EIF1AX: variants seen among roughly 807,000 people sequenced by gnomAD.
EIF1AX encodes eukaryotic translation initiation factor 1A X-linked, also known as eukaryotic translation initiation factor 1A, X-chromosomal.
A neutral mutation model predicts 16.1 loss-of-function variants in EIF1AX; 1 was observed. That is an observed-to-expected ratio of 0.06 (90% CI 0.02 to 0.30). The LOEUF is 0.30. EIF1AX is among the 10% of genes least tolerant of loss of function. The pLI is 1.00. For missense variants in EIF1AX, 11 were observed against 109.1 expected, an observed-to-expected ratio of 0.10 and a Z score of 4.00; for synonymous variants, 32 against 37.3, an observed-to-expected ratio of 0.86 and a Z score of 0.51.
At position 20,134,418 on chromosome X, in the gene EIF1AX, GA is replaced by G. The variant is rs539054825; in HGVS notation, c.205-412del. Among the ~76,000 whole-genome samples the G allele has an allele frequency of 5.7e-3, 559 of 98,825 alleles. 3 individuals carry two copies. The highest frequency in any genetic ancestry group is 0.013 in the African/African-American group (354 of 27,236). The allele number at this position is 98,825 out of a possible 115,157, so 85.8% of individuals were successfully genotyped here. ...AACAAATAAATAAACTTCTTTAAAA[GA>G]AAAAAAAAAAGAAAAGAAATTAAGA... On this transcript the variant is annotated intron_variant, in intron 3 of 6. Transcript: ENST00000379607.
chrX:20,138,194 G>A (rs945380022), intron 2 of EIF1AX, among the ~76,000 whole-genome samples: 9 of 108,001 alleles, frequency 8.3e-5, no homozygotes, highest in Middle Eastern at 4.7e-3. Flanking sequence ...TAGTAGAGAC[G>A]GGGTTTCATC....
At chrX:20,133,493 T>C (rs1228424725) in intron 4 of EIF1AX, among the ~76,000 whole-genome samples, 1 of 108,161 alleles carries the variant, frequency 9.2e-6, no homozygotes, top group African/African-American at 3.5e-5. Flanking sequence ...AAGTGAAGAT[T>C]TAAATTATTT....
chrX:20,125,641 A>G lies in EIF1AX; in HGVS notation c.*2665T>C, dbSNP rs1445545724. 1.2e-5 allele frequency: 2 copies of G among 164,678 alleles called. No individual in the cohort carries two copies. The highest frequency in any genetic ancestry group is 6.0e-5 in the African/African-American group (2 of 33,482). 13.6% of individuals were successfully genotyped at this position (164,678 alleles called of 1,213,427 possible). ...GTATAAATCTAGCTATTTTACTCAA[A>G]ACATGCTTTTACCTATTTGATTACT... On this transcript the variant is annotated 3_prime_UTR_variant, in exon 7 of 7. Transcript: ENST00000379607.
At chrX:20,128,430 A>C (rs2066991703) in intron 6 of EIF1AX, 119 bp from the exon 7 acceptor site, 8 of 537,464 alleles carry the variant, frequency 1.5e-5, no homozygotes, top group African/African-American at 2.4e-5. Flanking sequence ...ATCCAGTTTG[A>C]AGAAGAAATT....
At position 20,126,153 on chromosome X, in the gene EIF1AX, C is replaced by CT. The variant is rs1373935422; in HGVS notation, c.*2152dup. 1 of 133,655 alleles carries CT rather than the reference C, an allele frequency of 7.5e-6. No homozygotes were observed. Among genetic ancestry groups the CT allele is most frequent in the African/African-American group, 3.2e-5 (1 of 30,808 alleles). The allele number at this position is 133,655 out of a possible 1,213,427, so 11.0% of individuals were successfully genotyped here. A position where few individuals can be genotyped will look rare whatever the true frequency, so the allele number is the denominator to read the frequency against. On this transcript the variant is annotated 3_prime_UTR_variant, in exon 7 of 7. Coordinates refer to ENST00000379607, the MANE Select transcript of EIF1AX (RefSeq NM_001412.4). ...CAAACATTTTATTTTCTGTGCATAGCTTATAGCACTGTATTATAGGAATCA... is the reference window on the plus strand; with the variant it reads ...CAAACATTTTATTTTCTGTGCATAGCTTTATAGCACTGTATTATAGGAATCA...
At chrX:20,134,937 T>C (rs1313048072) in intron 3 of EIF1AX, among the ~76,000 whole-genome samples, 2 of 111,592 alleles carry the variant, frequency 1.8e-5, no homozygotes, top group Non-Finnish European at 1.9e-5. Flanking sequence ...ATTCAAGAGA[T>C]GCAACATTAA....
chrX:20,130,907 G>C (rs1175317240), intron 5 of EIF1AX, among the ~76,000 whole-genome samples: 1 of 111,337 alleles, frequency 9.0e-6, no homozygotes, highest in Non-Finnish European at 1.9e-5. Flanking sequence ...AAGAATAGCT[G>C]GTTCACTAAT....
intron 1 of EIF1AX, among the ~76,000 whole-genome samples, chrX:20,141,282 G>A (rs1251139920): frequency 9.0e-6 from 1 of 111,537 alleles, no homozygotes; most frequent in Non-Finnish European, 1.9e-5. Flanking sequence ...AGGCCAAAGG[G>A]GCCTATCTAC....
chrX:20,128,566 T>C (rs1355813230), intron 6 of EIF1AX, among the ~76,000 whole-genome samples: 1 of 112,144 alleles, frequency 8.9e-6, no homozygotes, highest in Non-Finnish European at 1.9e-5. Context: ...GAGATTTTTG[T>C]ATCTCATGGA....
At chrX:20,128,485 T>C (rs183691371) in intron 6 of EIF1AX, among the ~76,000 whole-genome samples, 174 bp from the exon 7 acceptor site, 14 of 112,369 alleles carry the variant, frequency 1.2e-4, no homozygotes, top group African/African-American at 3.9e-4. Context: ...TGATCTCCTT[T>C]GTAATGTTAC....
chrX:20,140,274 A>G (rs2067030007), intron 1 of EIF1AX: 1 of 112,039 alleles, frequency 8.9e-6, no homozygotes, highest in Admixed American at 9.5e-5. Context: ...TTAAGCATCT[A>G]CTAATTGTCA....
At chrX:20,134,240 T>G (rs897540783) in intron 3 of EIF1AX, among the ~76,000 whole-genome samples, 4 of 109,956 alleles carry the variant, frequency 3.6e-5, no homozygotes, top group African/African-American at 1.3e-4. Context: ...ATACAAAAAT[T>G]AGCTGGGCGT....
chrX:20,128,376 T>C, intron 6 of EIF1AX, 65 bp from the exon 7 acceptor site: 6 of 989,154 alleles, frequency 6.1e-6, no homozygotes, highest in Non-Finnish European at 8.4e-6. Context: ...GTCTACTCCA[T>C]ATATAAGGGA....
At chrX:20,129,188 T>C (rs1478955683) in intron 6 of EIF1AX, among the ~76,000 whole-genome samples, 4 of 112,088 alleles carry the variant, frequency 3.6e-5, no homozygotes, top group Admixed American at 2.8e-4. Flanking sequence ...ATGTCTATAA[T>C]ATTAGTAATT....
chrX:20,129,559 A>T (rs2066994872), intron 6 of EIF1AX, among the ~76,000 whole-genome samples: 1 of 112,654 alleles, frequency 8.9e-6, no homozygotes, highest in African/African-American at 3.2e-5. Flanking sequence ...TTAAGTTTGA[A>T]TTTCATTCAA....
intron 6 of EIF1AX, among the ~76,000 whole-genome samples, chrX:20,129,249 C>T (rs1603414901): frequency 9.0e-6 from 1 of 111,061 alleles, no homozygotes; most frequent in African/African-American, 3.3e-5. Flanking sequence ...CTAGGTATTC[C>T]GAAATTCCAT....
In EIF1AX at chrX:20,135,702, C is replaced by A. The variant is rs760524182; in HGVS notation, c.204+36G>T. The A allele has an allele frequency of 5.7e-6, 6 of 1,059,831 alleles. No homozygotes were observed. The South Asian group carries it at 1.1e-4, about 20-fold the overall frequency. The allele number at this position is 1,059,831 out of a possible 1,213,427, so 87.3% of individuals were successfully genotyped here. ...ACTGTAGAGGGATTTTCCCCCTTAA[C>A]CAATTTTATATTAAAGTAAAACAAA... On this transcript the variant is annotated intron_variant, in intron 3 of 6. Coordinates refer to ENST00000379607, the MANE Select transcript of EIF1AX (RefSeq NM_001412.4).
chrX:20,132,910 C>T (rs1318783906), intron 4 of EIF1AX, among the ~76,000 whole-genome samples: 1 of 112,035 alleles, frequency 8.9e-6, no homozygotes, highest in Admixed American at 9.5e-5. Context: ...AAATTGATTG[C>T]TTCAACTTCA....
At chrX:20,132,070 C>G in intron 5 of EIF1AX, 112 bp downstream of exon 5, 1 of 489,150 alleles carries the variant, frequency 2.0e-6, no homozygotes, top group Non-Finnish European at 3.4e-6. Flanking sequence ...ATACTTAAAA[C>G]TAAAAATGTG....
Sources: allele counts gnomAD v4.1 joint callset (sites outside exome capture counted in the v4.1 genomes callset), GRCh38; gene constraint gnomAD v4.1.1; transcripts MANE v1.5; gene names NCBI Gene and HGNC (gene_info 2026-07-23, HGNC 2026-07-21).